Variants in DMD observed in about 807,000 individuals in gnomAD.
DMD encodes the protein mutant dystrophin.
A neutral mutation model predicts 330.1 loss-of-function variants in DMD; 63 were observed. The observed-to-expected ratio is 0.19, with a 90% CI of 0.16 to 0.24. The LOEUF (loss-of-function observed/expected upper bound fraction) is 0.24, where lower values mean the gene tolerates loss of function less well. DMD is among the 10% of genes least tolerant of loss of function. The pLI is 1.00. For synonymous variants in DMD, 1,223 were observed against 959.8 expected (o/e 1.27, Z -5.07); for missense variants, 3,344 against 2,684.1 (o/e 1.25, Z -5.43).
At chrX:31,373,419 A>C (rs1321819968) in intron 60 of DMD, among the ~76,000 whole-genome samples, 1 of 94,325 alleles carries the variant, frequency 1.1e-5, no homozygotes, top group African/African-American at 3.7e-5. Flanking sequence ...ACTTCAAACT[A>C]TACTACAAGG....
At chrX:33,133,770 T>C (rs1324597575) in intron 1 of DMD, among the ~76,000 whole-genome samples, 1 of 112,223 alleles carries the variant, frequency 8.9e-6, no homozygotes, top group Non-Finnish European at 1.9e-5. Flanking sequence ...TTCCAGTTTC[T>C]ACAATCTCAT....
intron 44 of DMD, among the ~76,000 whole-genome samples, chrX:32,197,920 C>T (rs1327543492): frequency 2.7e-5 from 3 of 111,315 alleles, no homozygotes; most frequent in African/African-American, 9.8e-5. Flanking sequence ...TACAAAAGAT[C>T]TCATGAACTT....
chrX:32,599,840 T>A (rs1358496935), intron 12 of DMD, among the ~76,000 whole-genome samples: 2 of 111,960 alleles, frequency 1.8e-5, no homozygotes, highest in Admixed American at 9.5e-5. Flanking sequence ...ATCATGTTCC[T>A]AGTTAAATTT....
intron 2 of DMD, among the ~76,000 whole-genome samples, chrX:32,994,475 G>A (rs1485434710): frequency 3.6e-5 from 4 of 111,826 alleles, no homozygotes; most frequent in Non-Finnish European, 7.5e-5. Flanking sequence ...TATGTAAAAT[G>A]AGGATACTAA....
intron 9 of DMD, among the ~76,000 whole-genome samples, chrX:32,682,376 C>A (rs746418784): frequency 9.0e-6 from 1 of 111,293 alleles, no homozygotes; most frequent in East Asian, 2.8e-4. Flanking sequence ...AGCCATGTGT[C>A]CCGTGACCGA....
intron 41 of DMD, among the ~76,000 whole-genome samples, chrX:32,318,051 C>G (rs1222932308): frequency 9.1e-6 from 1 of 110,459 alleles, no homozygotes; most frequent in African/African-American, 3.3e-5. Context: ...ATATGTAAAT[C>G]CAAAATAGGA....
In DMD at chrX:32,558,938, CTTTTTTT is replaced by C. The variant is rs60739281; in HGVS notation, c.1992+6757_1992+6763del. 2.1e-3 allele frequency among the ~76,000 whole-genome samples: 108 copies of C among 50,797 alleles called. No individual in the cohort carries two copies. The South Asian group carries it at 0.024, about 12-fold the overall frequency. 44.1% of individuals were successfully genotyped at this position (50,797 alleles called of 115,157 possible). A position where few individuals can be genotyped will look rare whatever the true frequency, so the allele number is the denominator to read the frequency against. On this transcript the variant is annotated intron_variant, in intron 16 of 78. Coordinates refer to ENST00000357033, the MANE Select transcript of DMD (RefSeq NM_004006.3). ...TATTTGAGATGTAACTTCAAATTTTCTTTTTTTTTTTTTTTTTTTTTTTTTTTTTTGA... is the reference window on the plus strand; with the variant it reads ...TATTTGAGATGTAACTTCAAATTTTCTTTTTTTTTTTTTTTTTTTTTTTGA...
rs1383701636 is a variant in DMD at position 32,887,770 on chromosome X, A to AAAAAAAAC, written c.94-37951_94-37950insGTTTTTTT. Among the ~76,000 whole-genome samples the AAAAAAAAC allele has an allele frequency of 4.1e-3, 288 of 70,320 alleles. 25 individuals are homozygous for AAAAAAAAC. Among genetic ancestry groups the AAAAAAAAC allele is most frequent in the Non-Finnish European group, 6.0e-3 (208 of 34,612 alleles). The allele number at this position is 70,320 out of a possible 115,157, so 61.1% of individuals were successfully genotyped here. A position where few individuals can be genotyped will look rare whatever the true frequency, so the allele number is the denominator to read the frequency against. On this transcript the variant is annotated intron_variant, in intron 2 of 78. Coordinates refer to ENST00000357033, the MANE Select transcript of DMD (RefSeq NM_004006.3). ...CAAAAAAAAAAAAAAAAAAAAAAAA[A>AAAAAAAAC]AAAAAACATCAACTAAAAGCTTATG...
At chrX:31,811,027 G>A (rs1429724002) in intron 50 of DMD, among the ~76,000 whole-genome samples, 1 of 112,048 alleles carries the variant, frequency 8.9e-6, no homozygotes, top group Admixed American at 9.5e-5. Context: ...CAGAATTGAT[G>A]TTAGCCTTCT....
chrX:32,062,754 T>C (rs764554394), intron 44 of DMD, among the ~76,000 whole-genome samples: 2 of 111,129 alleles, frequency 1.8e-5, no homozygotes, highest in African/African-American at 3.3e-5. Flanking sequence ...TTAAATAGGT[T>C]AACACGCTCA....
At chrX:32,610,168 C>T (rs1013320588) in intron 12 of DMD, among the ~76,000 whole-genome samples, 7 of 110,842 alleles carry the variant, frequency 6.3e-5, no homozygotes, top group African/African-American at 2.3e-4. Context: ...TATATTTTTT[C>T]ACAGGGGAAT....
At chrX:32,089,485 G>T (rs953980132) in intron 44 of DMD, among the ~76,000 whole-genome samples, 2 of 110,846 alleles carry the variant, frequency 1.8e-5, no homozygotes, top group African/African-American at 6.6e-5. Context: ...TCCCCTCTTT[G>T]TGTCCATATG....
chrX:32,248,139 A>C (rs1821549584), intron 43 of DMD, among the ~76,000 whole-genome samples: 1 of 111,736 alleles, frequency 8.9e-6, no homozygotes, highest in Admixed American at 9.6e-5. Flanking sequence ...GCTACGAAGA[A>C]AGATTAAGGA....
At chrX:32,559,205 G>A (rs1245985196) in intron 16 of DMD, among the ~76,000 whole-genome samples, 1 of 109,518 alleles carries the variant, frequency 9.1e-6, no homozygotes. Flanking sequence ...TGCCTGCCTT[G>A]TCCTCCCAAA....
intron 63 of DMD, among the ~76,000 whole-genome samples, chrX:31,245,756 A>G (rs1246988469): frequency 8.9e-6 from 1 of 111,765 alleles, no homozygotes; most frequent in Non-Finnish European, 1.9e-5. Context: ...CACCCACATA[A>G]GATGGCAAAC....
intron 62 of DMD, among the ~76,000 whole-genome samples, chrX:31,267,966 C>A (rs1426215262): frequency 1.8e-5 from 2 of 112,435 alleles, no homozygotes; most frequent in African/African-American, 6.5e-5. Flanking sequence ...GCTTGCTTTT[C>A]TTTTTATTTT....
At chrX:31,206,963 G>GAAA (rs60304693) in intron 65 of DMD, among the ~76,000 whole-genome samples, 19 of 108,534 alleles carry the variant, frequency 1.8e-4, no homozygotes, top group Non-Finnish European at 2.1e-4. Context: ...CATAAATTAA[G>GAAA]AAAAAAAAAT....
chrX:31,649,340 C>T (rs1029030308), intron 54 of DMD, among the ~76,000 whole-genome samples: 13 of 111,684 alleles, frequency 1.2e-4, no homozygotes, highest in African/African-American at 3.6e-4. Flanking sequence ...TACTTGGCTA[C>T]ATCACCAGGT....
intron 2 of DMD, among the ~76,000 whole-genome samples, chrX:33,008,627 T>C (rs1013714866): frequency 1.8e-5 from 2 of 109,571 alleles, no homozygotes; most frequent in African/African-American, 6.6e-5. Context: ...CAGTCAATAG[T>C]AATGCCACAA....
Sources: gnomAD v4.1 joint callset for allele counts (sites outside exome capture counted in the v4.1 genomes callset) on GRCh38, gnomAD v4.1.1 for gene constraint, MANE v1.5 for transcripts, NCBI Gene and HGNC (gene_info 2026-07-23, HGNC 2026-07-21) for gene names.